The following TAF1C variants were observed in gnomAD, a reference collection of about 807,000 sequenced individuals.
The protein encoded by TAF1C is TATA box-binding protein-associated factor RNA polymerase I subunit C.
TAF1C carries 79 observed loss-of-function variants against 70.5 expected under a neutral mutation model. The observed-to-expected ratio is 1.12, with a 90% CI of 0.93 to 1.35. The LOEUF (loss-of-function observed/expected upper bound fraction) is 1.35, where lower values mean the gene tolerates loss of function less well. Among genes scored for constraint, TAF1C ranks in the 40% most tolerant of loss-of-function variants. The probability of loss-of-function intolerance (pLI) is 0.00; values close to 1 mark genes in which losing one functional copy is unlikely to be tolerated. For synonymous variants in TAF1C, 614 were observed against 491.1 expected (o/e 1.25, Z -3.31); for missense variants, 1,412 against 1,127.8 (o/e 1.25, Z -3.61).
rs557083377 is a variant in TAF1C at position 84,178,038 on chromosome 16, G to A, written c.*903C>T. The A allele has an allele frequency of 1.2e-4, 69 of 586,684 alleles. 2 individuals carry two copies. Among genetic ancestry groups the A allele is most frequent in the South Asian group, 5.3e-4 (29 of 55,136 alleles). 36.3% of individuals were successfully genotyped at this position (586,684 alleles called of 1,614,324 possible). A position where few individuals can be genotyped will look rare whatever the true frequency, so the allele number is the denominator to read the frequency against. On this transcript the variant is annotated 3_prime_UTR_variant, in exon 15 of 15. Transcript: ENST00000566732. ...ATGTCATCAGAAACCAGACAGACCC[G>A]GGTCCCTGCAAAATCTCAAGTGAGC...
rs530350713 is a variant in TAF1C at position 84,180,164 on chromosome 16, C to A, written c.1483+6G>T. ...ACACGCCGCCCACCCTGGCCTGGAC[C>A]CTCACCTGCCAGGTGCAGCAGCTGC... is the stretch of plus-strand genomic sequence containing the variant. On this transcript the variant is annotated splice_donor_region_variant and intron_variant, in intron 13 of 14. Coordinates refer to ENST00000566732, the MANE Select transcript of TAF1C (RefSeq NM_001243156.2). 5 of 1,556,852 alleles carry A rather than the reference C, an allele frequency of 3.2e-6. No homozygotes were observed. The South Asian group carries it at 4.7e-5, about 15-fold the overall frequency.
At position 84,179,808 on chromosome 16, in the gene TAF1C, T is replaced by C. The variant is rs562110474; in HGVS notation, c.1665A>G (p.Pro555=). The C allele has an allele frequency of 3.1e-6, 5 of 1,609,688 alleles. No homozygotes were observed. The South Asian group carries it at 4.4e-5, about 14-fold the overall frequency. The change falls in exon 15 of 15, where the codon CCA becomes CCG. Residue 555 remains proline (P), a synonymous_variant. Transcript: ENST00000566732. The stretch of plus-strand genomic sequence containing the variant: ...CCGAGAGCTGGAAGAGCACCAGGCC[T>C]GGTGTGGGCGCTGAGGGCAAGGGCG... ...VVPPLPSAPT[P]GLVLFQLSAA...
chr16:84,182,120 G>C lies in TAF1C; in HGVS notation c.722-62C>G. 6.3e-7 allele frequency: 1 copy of C among 1,592,270 alleles called. No homozygotes were observed. The highest frequency in any genetic ancestry group is 8.6e-7 in the Non-Finnish European group (1 of 1,167,964). On this transcript the variant is annotated intron_variant, in intron 7 of 14. Transcript: ENST00000566732. The surrounding 1 kb of genome is among the most constrained non-coding windows in gnomAD (Gnocchi z 5.0). Reference sequence around the variant, plus strand: ...ATCACTGCAAGCCCCCCAAATTCCTGCCCTTCTCTGGACCATGCCAAGAGC... The same window carrying C: ...ATCACTGCAAGCCCCCCAAATTCCTCCCCTTCTCTGGACCATGCCAAGAGC...
intron 12 of TAF1C, 80 bp from the exon 13 acceptor site, chr16:84,180,424 C>G: frequency 7.0e-7 from 1 of 1,434,578 alleles, no homozygotes; most frequent in Non-Finnish European, 9.3e-7. Flanking sequence ...CCATGTGGCT[C>G]TCCAGGTGAG....
In TAF1C at chr16:84,181,667, CA is replaced by C; in HGVS notation, c.957-5del. 6.2e-7 allele frequency: 1 copy of C among 1,614,012 alleles called. No individual in the cohort carries two copies. Among genetic ancestry groups the C allele is most frequent in the Non-Finnish European group, 8.5e-7 (1 of 1,180,014 alleles). On this transcript the variant is annotated splice_polypyrimidine_tract_variant and splice_region_variant and intron_variant, in intron 9 of 14. Coordinates refer to ENST00000566732, the MANE Select transcript of TAF1C (RefSeq NM_001243156.2). ...CAGCTCCCCGGGCAGGTGAGGGCTA[CA>C]GGGCAGGAATGCATTCACATCGGGC...
rs369203744 is a variant in TAF1C, at chr16:84,179,735, T to C, written c.1738A>G (p.Ser580Gly). 3.2e-5 allele frequency: 52 copies of C among 1,611,578 alleles called. No individual in the cohort carries two copies. Among genetic ancestry groups the C allele is most frequent in the Middle Eastern group, 1.7e-4 (1 of 6,028 alleles). The change falls in exon 15 of 15, where the codon AGC becomes GGC. Residue 580 changes from serine (S) to glycine (G), a missense_variant. Physicochemically the swap from Ser to Gly is moderately conservative, Grantham distance 56. Transcript: ENST00000566732. ...YQQLRPQVDS[S>G]LRRDAGPPGD... ...GGAGGCCCAGCATCTCTGCGGAGGCTGGAGTCCACCTGGGGGCGGAGCTGC... is the reference window on the plus strand; with the variant it reads ...GGAGGCCCAGCATCTCTGCGGAGGCCGGAGTCCACCTGGGGGCGGAGCTGC...
chr16:84,184,711 G>A, intron 2 of TAF1C, 140 bp downstream of exon 2: 2 of 1,089,706 alleles, frequency 1.8e-6, no homozygotes, highest in East Asian at 5.3e-5. Context: ...TACCCCAGAG[G>A]AGGTGGCAGA....
In TAF1C at chr16:84,180,717, C is replaced by T. The variant is rs1172043759; in HGVS notation, c.1308+326G>A. 14 of 1,064,356 alleles carry T rather than the reference C, an allele frequency of 1.3e-5. No homozygotes were observed. In the East Asian group the frequency reaches 4.7e-4, roughly 36 times the overall value. The allele number at this position is 1,064,356 out of a possible 1,614,324, so 65.9% of individuals were successfully genotyped here. A position where few individuals can be genotyped will look rare whatever the true frequency, so the allele number is the denominator to read the frequency against. On this transcript the variant is annotated intron_variant, in intron 12 of 14. Coordinates refer to ENST00000566732, the MANE Select transcript of TAF1C (RefSeq NM_001243156.2). ...CCGGGAGGGCGGGTGGAGGACAGAC[C>T]TGCTTCCTCAGAGCCCCCGCCTCCT...
intron 14 of TAF1C, 32 bp from the exon 15 acceptor site, chr16:84,179,883 C>T (rs1184392279): frequency 1.9e-6 from 3 of 1,608,902 alleles, no homozygotes; most frequent in Non-Finnish European, 1.7e-6. Context: ...ACCTCCAGGG[C>T]CTAGCGGGGG....
chr16:84,181,174 AG>A lies in TAF1C; in HGVS notation c.1176del (p.Cys393ValfsTer49). ...CCCAAACGAAAAAGCAACAGACCAC[AG>A]CCCGGCGGGCCCTGGAAGATAAACA... ...VKMLDTQGPP[G>X]CGLLLFRLGA... On this transcript the variant is annotated frameshift_variant, in exon 12 of 15. Transcript: ENST00000566732. LOFTEE classifies it high-confidence loss of function. 1 of 1,608,512 alleles carries A rather than the reference AG, an allele frequency of 6.2e-7. No homozygotes were observed. The highest frequency in any genetic ancestry group is 8.5e-7 in the Non-Finnish European group (1 of 1,175,494).
rs371327299 is a variant in TAF1C at position 84,179,096 on chromosome 16, T to C, written c.2377A>G (p.Met793Val). ...TCCCTCTGGGGTGGTAGCTTGGCCA[T>C]GTAGTCACGGAGCATCTGCCGCTGC... The part of the protein sequence containing the change: ...SEQRQMLRDY[M>V]AKLPPQRDTP... The change falls in exon 15 of 15, where the codon ATG becomes GTG. Residue 793 changes from methionine to valine, a missense_variant. Met to Val is a conservative substitution (Grantham distance 21). Coordinates refer to ENST00000566732, the MANE Select transcript of TAF1C (RefSeq NM_001243156.2). 1.3e-4 allele frequency: 202 copies of C among 1,609,894 alleles called. No individual in the cohort carries two copies. Among genetic ancestry groups the C allele is most frequent in the Non-Finnish European group, 1.6e-4 (191 of 1,178,826 alleles).
In TAF1C at chr16:84,179,759, G is replaced by A. The variant is rs1350558594; in HGVS notation, c.1714C>T (p.Gln572Ter). 6.2e-7 allele frequency: 1 copy of A among 1,610,040 alleles called. No homozygotes were observed. The highest frequency in any genetic ancestry group is 2.2e-5 in the East Asian group (1 of 44,816). Residue 572 changes from glutamine (Q) to a stop codon, truncating the protein, a stop_gained, in exon 15 of 15, where the codon CAG becomes TAG. Coordinates refer to ENST00000566732, the MANE Select transcript of TAF1C (RefSeq NM_001243156.2). LOFTEE classifies it low-confidence loss of function (END_TRUNC). ...LSAAGDVFYQQLRPQVDSSLR... is the reference protein window; with the variant it reads ...LSAAGDVFYQ ...CTGGAGTCCACCTGGGGGCGGAGCT[G>A]CTGGTAGAAGACATCTCCCGCCGCC...
intron 2 of TAF1C, 89 bp from the exon 3 acceptor site, chr16:84,183,867 A>C: frequency 3.8e-5 from 37 of 961,452 alleles, no homozygotes; most frequent in Non-Finnish European, 5.5e-5. Context: ...TTATCAACTC[A>C]TCCAATCCTC....
chr16:84,182,410 C>A lies in TAF1C; in HGVS notation c.513G>T (p.Gln171His). 1 of 1,603,868 alleles carries A rather than the reference C, an allele frequency of 6.2e-7. No individual in the cohort carries two copies. Among genetic ancestry groups the A allele is most frequent in the Non-Finnish European group, 8.5e-7 (1 of 1,177,238 alleles). ...GGCCCCCGAGGATAGAGAAGCGGCG[C>A]TGTCGGTTGCTGAGGTAAGCCCAGG... ...GCPWAYLSNR[Q>H]RRFSILGGPI... The change falls in exon 7 of 15, where the codon CAG (glutamine) becomes CAT (histidine). Residue 171 changes from glutamine to histidine, a missense_variant. By Grantham distance (24) the Gln-to-His change is conservative. Coordinates refer to ENST00000566732, the MANE Select transcript of TAF1C (RefSeq NM_001243156.2). This position sits in a 1 kb window ranked among gnomAD's most constrained non-coding sequence, Gnocchi z 5.0.
At position 84,181,741 on chromosome 16, in the gene TAF1C, C is replaced by T; in HGVS notation, c.956+5G>A. 1 of 1,613,998 alleles carries T rather than the reference C, an allele frequency of 6.2e-7. No homozygotes were observed. Among genetic ancestry groups the T allele is most frequent in the Non-Finnish European group, 8.5e-7 (1 of 1,179,878 alleles). ...CTCCTCACCGACCAACCTGACCCCC[C>T]TCACCTGAGGCTGATCCCCGTGGCC... On this transcript the variant is annotated splice_donor_5th_base_variant and intron_variant, in intron 9 of 14. Coordinates refer to ENST00000566732, the MANE Select transcript of TAF1C (RefSeq NM_001243156.2).
rs368920327 is a variant in TAF1C, at chr16:84,179,536, T to G, written c.1937A>C (p.Glu646Ala). The G allele has an allele frequency of 6.2e-7, 1 of 1,608,306 alleles. No individual in the cohort carries two copies. The highest frequency in any genetic ancestry group is 1.1e-5 in the South Asian group (1 of 91,024). ...QMLGSTELRR[E>A]EEEGQRLGVL... is the part of the protein sequence containing the mutation. Reference sequence around the variant, plus strand: ...ACCCAGCCGCTGCCCTTCCTCTTCCTCCCTCCGCAGCTCTGTGCTGCCCAG... The same window carrying G: ...ACCCAGCCGCTGCCCTTCCTCTTCCGCCCTCCGCAGCTCTGTGCTGCCCAG... The change falls in exon 15 of 15, where the codon GAG becomes GCG. Residue 646 changes from glutamate to alanine, a missense_variant. By Grantham distance (107) the Glu-to-Ala change is moderately radical. Coordinates refer to ENST00000566732, the MANE Select transcript of TAF1C (RefSeq NM_001243156.2).
chr16:84,181,218 A>G, intron 11 of TAF1C, 32 bp from the exon 12 acceptor site: 2 of 1,593,758 alleles, frequency 1.3e-6, no homozygotes, highest in South Asian at 1.1e-5. Context: ...AGCCCTCCCC[A>G]CAGTCCCAGG....
rs758876452 is a variant in TAF1C, at chr16:84,180,177, G to C, written c.1476C>G (p.His492Gln). The C allele has an allele frequency of 2.6e-6, 4 of 1,552,550 alleles. No homozygotes were observed. In the African/African-American group the frequency reaches 5.5e-5, roughly 21 times the overall value. ...CCTGGCCTGGACCCTCACCTGCCAG[G>C]TGCAGCAGCTGCAGCTGCCCACCCT... is the stretch of plus-strand genomic sequence containing the variant. ...GGQGGQLQLLHLAGEGASVPR... is the reference protein window; with the variant it reads ...GGQGGQLQLLQLAGEGASVPR... The change falls in exon 13 of 15, where the codon CAC (histidine) becomes CAG (glutamine). Residue 492 changes from histidine to glutamine, a missense_variant. Coordinates refer to ENST00000566732, the MANE Select transcript of TAF1C (RefSeq NM_001243156.2).
At chr16:84,185,514 C>G (rs1383615066) in intron 1 of TAF1C, 1 of 152,494 alleles carries the variant, frequency 6.6e-6, no homozygotes, top group Non-Finnish European at 1.5e-5. Context: ...GCTCAAGTTA[C>G]TCCACAGCCA....
Sources: gnomAD v4.1 joint callset for allele counts on GRCh38, gnomAD v4.1.1 for gene constraint, Gnocchi (gnomAD v3.1) non-coding constraint, MANE v1.5 for transcripts, NCBI Gene and HGNC (gene_info 2026-07-23, HGNC 2026-07-21) for gene names.